Variants in KLHDC10 observed in about 807,000 individuals in gnomAD.
KLHDC10 encodes the protein kelch domain-containing protein 10.
KLHDC10 carries 24 observed loss-of-function variants against 56.1 expected under a neutral mutation model. The observed-to-expected ratio is 0.43, with a 90% CI of 0.31 to 0.60. The LOEUF (loss-of-function observed/expected upper bound fraction) is 0.60. KLHDC10 is among the 20% of genes least tolerant of loss of function. The pLI is 0.11. For missense variants in KLHDC10, 349 were observed against 567.0 expected (o/e 0.62, Z 3.91); for synonymous variants, 188 against 207.1 (o/e 0.91, Z 0.79).
intron 1 of KLHDC10, among the ~76,000 whole-genome samples, chr7:130,076,618 A>G (rs1795507679): frequency 6.6e-6 from 1 of 152,182 alleles, no homozygotes; most frequent in South Asian, 2.1e-4. Context: ...GCACTTACCC[A>G]CACAAAATGT....
intron 1 of KLHDC10, among the ~76,000 whole-genome samples, chr7:130,095,708 A>T (rs915426876): frequency 6.6e-6 from 1 of 152,184 alleles, no homozygotes; most frequent in Non-Finnish European, 1.5e-5. Context: ...CTGCTAATGG[A>T]CATCTGAATA....
intron 2 of KLHDC10, among the ~76,000 whole-genome samples, chr7:130,103,755 C>G (rs932143756): frequency 6.6e-6 from 1 of 152,048 alleles, no homozygotes; most frequent in Non-Finnish European, 1.5e-5. Flanking sequence ...TTGTGACATA[C>G]CCCATTTTGA....
At chr7:130,079,906 C>T (rs149839447) in intron 1 of KLHDC10, among the ~76,000 whole-genome samples, 7,690 of 80,014 alleles carry the variant, frequency 0.096, 392 homozygotes, top group South Asian at 0.15. Flanking sequence ...TTCTTCCTCC[C>T]TCCCTCCCTT....
At chr7:130,123,594 CTT>C (rs1796279407) in intron 5 of KLHDC10, among the ~76,000 whole-genome samples, 1 of 152,088 alleles carries the variant, frequency 6.6e-6, no homozygotes, top group African/African-American at 2.4e-5. Context: ...TCCAGTGCCT[CTT>C]TGTTGCCTCT....
chr7:130,124,249 T>C (rs1458824595), intron 5 of KLHDC10, among the ~76,000 whole-genome samples: 2 of 152,210 alleles, frequency 1.3e-5, no homozygotes, highest in African/African-American at 4.8e-5. Flanking sequence ...CACCATCTGG[T>C]GCCTACTCTG....
Position 130,120,935 on chromosome 7 carries a change from G to C in KLHDC10, c.630+32G>C, listed in dbSNP as rs376396573. On this transcript the variant is annotated intron_variant, in intron 4 of 9. Coordinates refer to ENST00000335420, the MANE Select transcript of KLHDC10 (RefSeq NM_014997.4). The surrounding 1 kb of genome is among the most constrained non-coding windows in gnomAD (Gnocchi z 5.1). The stretch of plus-strand genomic sequence containing the variant: ...ATCTGTGGCCAGTCATGGTGTATTT[G>C]TTCATATTTTTCTAGTCTGGGGATG... 1.9e-6 allele frequency: 3 copies of C among 1,601,634 alleles called. No homozygotes were observed. The highest frequency in any genetic ancestry group is 2.7e-5 in the African/African-American group (2 of 74,428).
At chr7:130,089,396 C>A (rs1795738968) in intron 1 of KLHDC10, among the ~76,000 whole-genome samples, 1 of 152,074 alleles carries the variant, frequency 6.6e-6, no homozygotes. Context: ...AGTTCAAGAC[C>A]AGCTTGGGCA....
In KLHDC10 at chr7:130,132,208, G is replaced by A. The variant is rs572702817; in HGVS notation, c.*1462G>A. 2 of 152,284 alleles carry A rather than the reference G, an allele frequency of 1.3e-5. No homozygotes were observed. The highest frequency in any genetic ancestry group is 2.1e-4 in the South Asian group (1 of 4,828). The allele number at this position is 152,284 out of a possible 1,614,324, so 9.4% of individuals were successfully genotyped here. A position where few individuals can be genotyped will look rare whatever the true frequency, so the allele number is the denominator to read the frequency against. Reference sequence around the variant, plus strand: ...GTGCTGAAGGCGTGCAAGGGGCAGCGCTGGTCCTCCCGGGGCCAACTCACA... The same window carrying A: ...GTGCTGAAGGCGTGCAAGGGGCAGCACTGGTCCTCCCGGGGCCAACTCACA... On this transcript the variant is annotated 3_prime_UTR_variant, in exon 10 of 10. Coordinates refer to ENST00000335420, the MANE Select transcript of KLHDC10 (RefSeq NM_014997.4).
chr7:130,132,456 G>C lies in KLHDC10; in HGVS notation c.*1710G>C, dbSNP rs1796414445. The C allele has an allele frequency of 6.6e-6, 1 of 152,114 alleles. No individual in the cohort carries two copies. The highest frequency in any genetic ancestry group is 6.6e-5 in the Admixed American group (1 of 15,264). The allele number at this position is 152,114 out of a possible 1,614,324, so 9.4% of individuals were successfully genotyped here. A position where few individuals can be genotyped will look rare whatever the true frequency, so the allele number is the denominator to read the frequency against. On this transcript the variant is annotated 3_prime_UTR_variant, in exon 10 of 10. Transcript: ENST00000335420. ...CTCCAGACATGCTCCTGATTTCTAG[G>C]CCTTATCATACCATCCCCTCTGTGA...
intron 1 of KLHDC10, among the ~76,000 whole-genome samples, chr7:130,084,594 A>G (rs1795656473): frequency 6.6e-6 from 1 of 152,122 alleles, no homozygotes; most frequent in African/African-American, 2.4e-5. Context: ...CCTGGCCAAC[A>G]TGGCGAAACC....
chr7:130,131,187 G>A lies in KLHDC10; in HGVS notation c.*441G>A, dbSNP rs531169111. ...GCAACAGCAACAACCACAAATTTAG[G>A]GGAAGCTGAGAAGGCTAACCTTGGG... On this transcript the variant is annotated 3_prime_UTR_variant, in exon 10 of 10. Transcript: ENST00000335420. 6.2e-6 allele frequency: 1 copy of A among 160,852 alleles called. No individual in the cohort carries two copies. Among genetic ancestry groups the A allele is most frequent in the East Asian group, 1.7e-4 (1 of 5,786 alleles). 10.0% of individuals were successfully genotyped at this position (160,852 alleles called of 1,614,324 possible). A position where few individuals can be genotyped will look rare whatever the true frequency, so the allele number is the denominator to read the frequency against.
intron 1 of KLHDC10, among the ~76,000 whole-genome samples, chr7:130,075,628 C>T (rs907507980): frequency 1.2e-4 from 19 of 152,100 alleles, no homozygotes; most frequent in Non-Finnish European, 2.4e-4. Flanking sequence ...ATGAATAGCC[C>T]TATACATATA....
Position 130,070,810 on chromosome 7 carries a change from G to T in KLHDC10, c.166+1G>T. 1 of 1,304,884 alleles carries T rather than the reference G, an allele frequency of 7.7e-7. No individual in the cohort carries two copies. 80.8% of individuals were successfully genotyped at this position (1,304,884 alleles called of 1,614,324 possible). A position where few individuals can be genotyped will look rare whatever the true frequency, so the allele number is the denominator to read the frequency against. On this transcript the variant is annotated splice_donor_variant, in intron 1 of 9. Transcript: ENST00000335420. LOFTEE classifies it high-confidence loss of function. The stretch of plus-strand genomic sequence containing the variant: ...CTCTCCGGGCGGCCGCACCTGCCAG[G>T]TGAGTCGTGGGACAGGGTCCTGACC...
At chr7:130,111,872 T>G (rs1390173523) in intron 2 of KLHDC10, among the ~76,000 whole-genome samples, 7 of 152,154 alleles carry the variant, frequency 4.6e-5, no homozygotes, top group Admixed American at 3.3e-4. Flanking sequence ...AAATGCAGAT[T>G]AACCTGACAC....
At chr7:130,123,050 T>TGGAG (rs1208358736) in intron 5 of KLHDC10, among the ~76,000 whole-genome samples, 4 of 152,016 alleles carry the variant, frequency 2.6e-5, no homozygotes, top group African/African-American at 9.7e-5. Context: ...GATGGATGGA[T>TGGAG]GGATGGAAAG....
intron 2 of KLHDC10, among the ~76,000 whole-genome samples, chr7:130,100,014 G>A (rs1795907735): frequency 6.6e-6 from 1 of 151,966 alleles, no homozygotes; most frequent in African/African-American, 2.4e-5. Context: ...GCTGAGGCAG[G>A]AGGATTGCTT....
At chr7:130,101,668 C>T (rs1584628587) in intron 2 of KLHDC10, among the ~76,000 whole-genome samples, 1 of 152,026 alleles carries the variant, frequency 6.6e-6, no homozygotes, top group South Asian at 2.1e-4. Flanking sequence ...TTGCGAGCAT[C>T]GATTAAGACT....
At chr7:130,119,818 C>T (rs1343768810) in intron 3 of KLHDC10, among the ~76,000 whole-genome samples, 19 of 135,244 alleles carry the variant, frequency 1.4e-4, no homozygotes, top group Non-Finnish European at 2.3e-4. Flanking sequence ...CACTCCAGCC[C>T]GGGAGACAGA....
At chr7:130,106,810 A>G (rs2116885469) in intron 2 of KLHDC10, among the ~76,000 whole-genome samples, 1 of 152,204 alleles carries the variant, frequency 6.6e-6, no homozygotes, top group South Asian at 2.1e-4. Flanking sequence ...TCTCTAAGAA[A>G]AAATTCAAAA....
Sources: allele counts gnomAD v4.1 joint callset (sites outside exome capture counted in the v4.1 genomes callset), GRCh38; gene constraint gnomAD v4.1.1; non-coding constraint Gnocchi (gnomAD v3.1); transcripts MANE v1.5; gene names NCBI Gene and HGNC (gene_info 2026-07-23, HGNC 2026-07-21).